TYW3: variants seen among roughly 807,000 people sequenced by gnomAD.
TYW3 encodes the protein tRNA wybutosine-synthesizing protein 3 homolog.
TYW3 carries 26 observed loss-of-function variants against 23.1 expected under a neutral mutation model. That is an observed-to-expected ratio of 1.13 (90% CI 0.83 to 1.56). TYW3 has a LOEUF of 1.56. Among genes scored for constraint, TYW3 ranks in the 40% most tolerant of loss-of-function variants. The pLI is 0.00. For missense variants in TYW3, 316 were observed against 311.9 expected (o/e 1.01, Z -0.10); for synonymous variants, 102 against 105.7 (o/e 0.97, Z 0.21).
rs1649292729 is a variant in TYW3 at position 74,765,908 on chromosome 1, G to A, written c.*1795G>A. 1 of 152,130 alleles carries A rather than the reference G, an allele frequency of 6.6e-6. No homozygotes were observed. Among genetic ancestry groups the A allele is most frequent in the African/African-American group, 2.4e-5 (1 of 41,436 alleles). 9.4% of individuals were successfully genotyped at this position (152,130 alleles called of 1,614,324 possible). On this transcript the variant is annotated 3_prime_UTR_variant, in exon 6 of 6. Coordinates refer to ENST00000370867, the MANE Select transcript of TYW3 (RefSeq NM_138467.3). ...ATAATCTGTTTATATAAGGTTAGTA[G>A]AGAGGAGACACCAGGTGCTGGCCAT...
intron 3 of TYW3, among the ~76,000 whole-genome samples, chr1:74,743,884 T>C (rs1387331352): frequency 6.6e-6 from 1 of 152,146 alleles, no homozygotes; most frequent in Non-Finnish European, 1.5e-5. Flanking sequence ...AGATCACAGG[T>C]TTGCCCTGGA....
chr1:74,740,342 A>G (rs1648309011), intron 3 of TYW3, among the ~76,000 whole-genome samples: 1 of 152,214 alleles, frequency 6.6e-6, no homozygotes, highest in African/African-American at 2.4e-5. Flanking sequence ...AGACTTCCAC[A>G]GTGAGTGTTA....
chr1:74,757,510 G>T (rs1487885874), intron 5 of TYW3, among the ~76,000 whole-genome samples: 1 of 152,128 alleles, frequency 6.6e-6, no homozygotes, highest in African/African-American at 2.4e-5. Context: ...TTTTATTTTG[G>T]CCAATTTATC....
rs1649214616 is a variant in TYW3, at chr1:74,763,974, C to T, written c.641C>T (p.Ser214Leu). ...LHPKIKEKNN[S>L]SYIHKKKRNP... ...CCCAAGATCAAAGAGAAAAATAACT[C>T]ATCATATATTCATAAGAAAAAAAGA... The change falls in exon 6 of 6, where the codon TCA becomes TTA. Residue 214 changes from serine (S) to leucine (L), a missense_variant. Physicochemically the swap from Ser to Leu is moderately radical, Grantham distance 145 (BLOSUM62 -2). Transcript: ENST00000370867. 1 of 1,610,416 alleles carries T rather than the reference C, an allele frequency of 6.2e-7. No individual in the cohort carries two copies. Among genetic ancestry groups the T allele is most frequent in the African/African-American group, 1.3e-5 (1 of 74,474 alleles).
chr1:74,735,979 A>G (rs1228491577), intron 1 of TYW3, among the ~76,000 whole-genome samples: 1 of 152,208 alleles, frequency 6.6e-6, no homozygotes, highest in African/African-American at 2.4e-5. Context: ...TTAAGTTAAT[A>G]TTAAAATGTT....
chr1:74,744,831 T>A (rs761885418), intron 3 of TYW3, among the ~76,000 whole-genome samples: 3 of 152,218 alleles, frequency 2.0e-5, no homozygotes. Context: ...GGGTTCATGG[T>A]CTTGCTGACT....
At chr1:74,756,216 G>A (rs548894883) in intron 5 of TYW3, among the ~76,000 whole-genome samples, 22 of 152,298 alleles carry the variant, frequency 1.4e-4, no homozygotes, top group Middle Eastern at 3.4e-3. Flanking sequence ...GGGGCACTGC[G>A]GAAAAGATAC....
chr1:74,754,896 A>G (rs1454336121), intron 5 of TYW3, among the ~76,000 whole-genome samples: 3 of 152,110 alleles, frequency 2.0e-5, no homozygotes, highest in African/African-American at 4.8e-5. Flanking sequence ...TAGGAAGACA[A>G]TTCATACATA....
chr1:74,761,813 G>A (rs573631649), intron 5 of TYW3: 1 of 152,136 alleles, frequency 6.6e-6, no homozygotes, highest in South Asian at 2.1e-4. Context: ...GGAGGAATTT[G>A]GGAAAATGTT....
chr1:74,738,765 C>T lies in TYW3; in HGVS notation c.331C>T (p.Gln111Ter). The change falls in exon 3 of 6, where the codon CAA (glutamine) becomes TAA (stop). Residue 111 changes from glutamine (Q) to a stop codon, truncating the protein, a stop_gained. Transcript: ENST00000370867. LOFTEE classifies it high-confidence loss of function. ...EPFVLHVQCR[Q>*]LQDAQILHSM... Reference sequence around the variant, plus strand: ...ATTTGTTCTTCATGTGCAGTGTCGACAATTGCAGGATGCACAGATTCTGGT... The same window carrying T: ...ATTTGTTCTTCATGTGCAGTGTCGATAATTGCAGGATGCACAGATTCTGGT... The T allele has an allele frequency of 6.2e-7, 1 of 1,610,792 alleles. No individual in the cohort carries two copies. The highest frequency in any genetic ancestry group is 8.5e-7 in the Non-Finnish European group (1 of 1,177,536).
Position 74,748,761 on chromosome 1 carries a change from C to T in TYW3, c.365C>T (p.Ala122Val), listed in dbSNP as rs1289111006. The change falls in exon 4 of 6, where the codon GCA becomes GTA. Residue 122 changes from alanine (A) to valine (V), a missense_variant. Ala to Val is a moderately conservative substitution (Grantham distance 64, BLOSUM62 0). Transcript: ENST00000370867. ...TTTATTTTCTTACAGCATTCCATGG[C>T]AATAGATTCTGGTTTCAGGAACTCT... is the stretch of plus-strand genomic sequence containing the variant. ...LQDAQILHSM[A>V]IDSGFRNSGI... 11 of 1,613,870 alleles carry T rather than the reference C, an allele frequency of 6.8e-6. No individual in the cohort carries two copies. The highest frequency in any genetic ancestry group is 9.3e-6 in the Non-Finnish European group (11 of 1,179,882).
chr1:74,763,943 T>C lies in TYW3; in HGVS notation c.610T>C (p.Leu204=). 6.2e-7 allele frequency: 1 copy of C among 1,607,462 alleles called. No homozygotes were observed. The highest frequency in any genetic ancestry group is 8.5e-7 in the Non-Finnish European group (1 of 1,178,308). ...HALERETMTN[L]HPKIKEKNNS... ...TTTGGAAAGGGAAACGATGACTAAC[T>C]TACATCCCAAGATCAAAGAGAAAAA... Residue 204 remains leucine (L), a synonymous_variant, in exon 6 of 6, where the codon TTA becomes CTA. Coordinates refer to ENST00000370867, the MANE Select transcript of TYW3 (RefSeq NM_138467.3).
At chr1:74,760,473 A>G (rs1649104901) in intron 5 of TYW3, among the ~76,000 whole-genome samples, 1 of 152,114 alleles carries the variant, frequency 6.6e-6, no homozygotes, top group Non-Finnish European at 1.5e-5. Flanking sequence ...TTTTCCTCCT[A>G]ATTCCTCTCT....
chr1:74,756,257 G>A (rs1184468830), intron 5 of TYW3, among the ~76,000 whole-genome samples: 3 of 152,340 alleles, frequency 2.0e-5, no homozygotes, highest in African/African-American at 7.2e-5. Context: ...TTGGAACTGG[G>A]TAACAGGTAG....
chr1:74,752,707 C>G (rs996963922), intron 5 of TYW3, among the ~76,000 whole-genome samples: 2 of 152,092 alleles, frequency 1.3e-5, no homozygotes, highest in Non-Finnish European at 2.9e-5. Flanking sequence ...CATAATTATT[C>G]TGGAAGGACA....
chr1:74,752,360 A>C lies in TYW3; in HGVS notation c.495A>C (p.Glu165Asp). Residue 165 changes from glutamate (E) to aspartate (D), a missense_variant, in exon 5 of 6, where the codon GAA becomes GAC. Transcript: ENST00000370867. ...SHKGKLMVTE[E>D]YIDFLLNVAN... ...AGGGAAAACTGATGGTGACAGAGGA[A>C]TATATTGACTTCCTGTTAAATGTGG... The C allele has an allele frequency of 1.2e-6, 2 of 1,613,722 alleles. No homozygotes were observed. Among genetic ancestry groups the C allele is most frequent in the Non-Finnish European group, 1.7e-6 (2 of 1,179,786 alleles).
chr1:74,764,183 A>T lies in TYW3; in HGVS notation c.*70A>T, dbSNP rs1315048130. On this transcript the variant is annotated 3_prime_UTR_variant, in exon 6 of 6. Transcript: ENST00000370867. ...TTATAAAGCTGCTCTTCATAAGAGT[A>T]TTTTAGTTTGTTGAGTGTATCAGCC... is the stretch of plus-strand genomic sequence containing the variant. 7.1e-7 allele frequency: 1 copy of T among 1,402,562 alleles called. No homozygotes were observed. The highest frequency in any genetic ancestry group is 9.8e-7 in the Non-Finnish European group (1 of 1,023,006). The allele number at this position is 1,402,562 out of a possible 1,614,324, so 86.9% of individuals were successfully genotyped here. A position where few individuals can be genotyped will look rare whatever the true frequency, so the allele number is the denominator to read the frequency against.
At chr1:74,738,148 C>T (rs568450996) in intron 2 of TYW3, among the ~76,000 whole-genome samples, 3 of 151,788 alleles carry the variant, frequency 2.0e-5, no homozygotes, top group Non-Finnish European at 2.9e-5. Context: ...GCAATTGTTA[C>T]AACAACTGTG....
chr1:74,750,188 A>G (rs1648729668), intron 4 of TYW3: 1 of 152,020 alleles, frequency 6.6e-6, no homozygotes, highest in South Asian at 2.1e-4. Context: ...AGTCTTTACC[A>G]TTGTCTCCCG....
Sources: allele counts gnomAD v4.1 joint callset (sites outside exome capture counted in the v4.1 genomes callset), GRCh38; gene constraint gnomAD v4.1.1; transcripts MANE v1.5; gene names NCBI Gene and HGNC (gene_info 2026-07-23, HGNC 2026-07-21).